The following MAGI2 variants were observed in gnomAD, a reference collection of about 807,000 sequenced individuals.
MAGI2 encodes the protein membrane-associated guanylate kinase, WW and PDZ domain-containing protein 2.
A neutral mutation model predicts 133.3 loss-of-function variants in MAGI2; 35 were observed. That is an observed-to-expected ratio of 0.26 (90% CI 0.20 to 0.35). The LOEUF (loss-of-function observed/expected upper bound fraction) is 0.35. Ranked by LOEUF, MAGI2 falls within the 10% of genes least tolerant of loss-of-function variation. The pLI is 1.00. For synonymous variants in MAGI2, 729 were observed against 710.6 expected (o/e 1.03, Z -0.41); for missense variants, 1,636 against 1,863.4 (o/e 0.88, Z 2.25).
intron 1 of MAGI2, among the ~76,000 whole-genome samples, chr7:79,097,351 A>G (rs1817601392): frequency 6.6e-6 from 1 of 152,228 alleles, no homozygotes; most frequent in Non-Finnish European, 1.5e-5. Flanking sequence ...AATTTAAAGT[A>G]ATGCCTACAT....
chr7:79,268,550 C>A (rs1473588665), intron 1 of MAGI2, among the ~76,000 whole-genome samples: 1 of 152,168 alleles, frequency 6.6e-6, no homozygotes, highest in African/African-American at 2.4e-5. Flanking sequence ...ATTGTCCCAG[C>A]ATCACAGAGA....
chr7:78,335,486 T>C (rs538164608), intron 9 of MAGI2, among the ~76,000 whole-genome samples: 5 of 152,336 alleles, frequency 3.3e-5, no homozygotes, highest in Admixed American at 1.3e-4. Context: ...AGTATCTTTA[T>C]AGGATTTCAC....
At chr7:78,320,445 C>T (rs1273417819) in intron 9 of MAGI2, among the ~76,000 whole-genome samples, 1 of 152,132 alleles carries the variant, frequency 6.6e-6, no homozygotes, top group African/African-American at 2.4e-5. Flanking sequence ...GGCTTTGTCC[C>T]AGGGATGCAA....
At chr7:78,224,302 G>A (rs550199528) in intron 10 of MAGI2, among the ~76,000 whole-genome samples, 2 of 152,232 alleles carry the variant, frequency 1.3e-5, no homozygotes, top group East Asian at 1.9e-4. Context: ...GAGTTATCAG[G>A]TTGTGTGGGA....
At chr7:78,635,507 A>G (rs1809529471) in intron 2 of MAGI2, among the ~76,000 whole-genome samples, 1 of 152,372 alleles carries the variant, frequency 6.6e-6, no homozygotes, top group East Asian at 1.9e-4. Context: ...GCAGGTACCC[A>G]ATACATATTT....
chr7:78,539,107 G>C (rs1301676099), intron 3 of MAGI2, among the ~76,000 whole-genome samples: 1 of 152,178 alleles, frequency 6.6e-6, no homozygotes, highest in Non-Finnish European at 1.5e-5. Context: ...TTCTCAGGGG[G>C]AATGCTTTCA....
intron 1 of MAGI2, among the ~76,000 whole-genome samples, chr7:79,422,334 C>T (rs1024114057): frequency 2.0e-5 from 3 of 151,772 alleles, no homozygotes; most frequent in Admixed American, 1.3e-4. Flanking sequence ...TTTGGGTGTC[C>T]TAATCCAAAT....
chr7:78,175,715 A>G (rs1158188362), intron 14 of MAGI2, among the ~76,000 whole-genome samples: 2 of 152,154 alleles, frequency 1.3e-5, no homozygotes, highest in African/African-American at 4.8e-5. Context: ...AGACGCCAGG[A>G]GTCTTGGGCA....
intron 1 of MAGI2, among the ~76,000 whole-genome samples, chr7:79,119,591 T>A (rs1819708510): frequency 6.6e-6 from 1 of 152,062 alleles, no homozygotes; most frequent in South Asian, 2.1e-4. Context: ...TTTCAGTAAA[T>A]GAAATATTAG....
chr7:79,355,351 A>G (rs1235967156), intron 1 of MAGI2, among the ~76,000 whole-genome samples: 2 of 110,016 alleles, frequency 1.8e-5, no homozygotes, highest in African/African-American at 6.8e-5. Flanking sequence ...AAACAAAAAA[A>G]CAAACAAAAA....
At chr7:79,067,175 T>C (rs1233452898) in intron 1 of MAGI2, among the ~76,000 whole-genome samples, 1 of 152,188 alleles carries the variant, frequency 6.6e-6, no homozygotes, top group African/African-American at 2.4e-5. Flanking sequence ...GGGGAGAGCA[T>C]TGAAACTAAA....
chr7:78,221,406 G>C (rs2150839801), intron 10 of MAGI2, among the ~76,000 whole-genome samples: 1 of 152,204 alleles, frequency 6.6e-6, no homozygotes, highest in Non-Finnish European at 1.5e-5. Flanking sequence ...ATTAACTTAG[G>C]TTGTGAGATC....
rs145596529 is a variant in MAGI2 at position 78,419,552 on chromosome 7, T to C, written c.1046-50339A>G. The stretch of plus-strand genomic sequence containing the variant: ...AAGAAGAGAAGCTGAAAGAGCTGAT[T>C]TGAGGAAAGATATCATTCCCTGAGA... On this transcript the variant is annotated intron_variant, in intron 6 of 21. Transcript: ENST00000354212. Among the ~76,000 whole-genome samples, 4 of 151,318 alleles carry C rather than the reference T, an allele frequency of 2.6e-5. No individual in the cohort carries two copies. In the South Asian group the frequency reaches 8.4e-4, roughly 32 times the overall value.
intron 3 of MAGI2, among the ~76,000 whole-genome samples, chr7:78,549,173 T>C (rs780091577): frequency 2.0e-5 from 3 of 152,070 alleles, no homozygotes; most frequent in Non-Finnish European, 4.4e-5. Flanking sequence ...ATAAGAAAAG[T>C]TGATAGATAT....
chr7:78,677,331 T>A (rs1381192695), intron 2 of MAGI2, among the ~76,000 whole-genome samples: 1 of 151,242 alleles, frequency 6.6e-6, no homozygotes, highest in African/African-American at 2.4e-5. Flanking sequence ...TATAAATGTA[T>A]GGAAGCCTAT....
intron 2 of MAGI2, among the ~76,000 whole-genome samples, chr7:78,650,872 T>C (rs962231649): frequency 7.9e-5 from 12 of 152,166 alleles, no homozygotes; most frequent in African/African-American, 2.9e-4. Context: ...AACAACAGCA[T>C]GCAATAGTCA....
At chr7:78,077,629 C>T (rs1042456914) in intron 21 of MAGI2, among the ~76,000 whole-genome samples, 1 of 105,400 alleles carries the variant, frequency 9.5e-6, no homozygotes, top group African/African-American at 3.9e-5. Context: ...CATTTGAACT[C>T]AGGGTATAGA....
At chr7:78,867,468 A>G (rs942450871) in intron 2 of MAGI2, among the ~76,000 whole-genome samples, 2 of 150,576 alleles carry the variant, frequency 1.3e-5, no homozygotes, top group African/African-American at 4.9e-5. Flanking sequence ...ACATATTCTC[A>G]CTCATAGGTG....
chr7:78,444,726 TG>T (rs2151467361), intron 6 of MAGI2, among the ~76,000 whole-genome samples: 1 of 151,720 alleles, frequency 6.6e-6, no homozygotes, highest in African/African-American at 2.4e-5. Flanking sequence ...TCTACTGTTC[TG>T]TTTTCCCGGC....
Sources: allele counts gnomAD v4.1 joint callset (sites outside exome capture counted in the v4.1 genomes callset), GRCh38; gene constraint gnomAD v4.1.1; transcripts MANE v1.5; gene names NCBI Gene and HGNC (gene_info 2026-07-23, HGNC 2026-07-21).